Variants in SV2B observed in about 807,000 individuals in gnomAD.
SV2B encodes the protein solute carrier family 22 member B2.
A neutral mutation model predicts 73.9 loss-of-function variants in SV2B; 41 were observed. That is an observed-to-expected ratio of 0.56 (90% confidence interval 0.43 to 0.72). The LOEUF (loss-of-function observed/expected upper bound fraction) is 0.72, where lower values mean the gene tolerates loss of function less well. Among genes scored for constraint, SV2B ranks in the 30% least tolerant of loss-of-function variants. The probability of loss-of-function intolerance (pLI) is 0.00; values close to 1 mark genes in which losing one functional copy is unlikely to be tolerated. For missense variants in SV2B, 764 were observed against 857.8 expected, an observed-to-expected ratio of 0.89 and a Z score of 1.37; for synonymous variants, 314 against 314.2, an observed-to-expected ratio of 1.00 and a Z score of 0.01.
At chr15:91,233,795 C>G (rs144104785) in intron 2 of SV2B, among the ~76,000 whole-genome samples, 1 of 152,144 alleles carries the variant, frequency 6.6e-6, no homozygotes, top group South Asian at 2.1e-4. Flanking sequence ...CAGGACCCAA[C>G]CCCTCCACCC....
chr15:91,111,044 C>T (rs1240278352), intron 1 of SV2B, among the ~76,000 whole-genome samples: 1 of 151,738 alleles, frequency 6.6e-6, no homozygotes, highest in South Asian at 2.1e-4. Flanking sequence ...TGGATAAGGT[C>T]TTTTTTTTGG....
chr15:91,180,204 G>A (rs1486783472), intron 1 of SV2B, among the ~76,000 whole-genome samples: 1 of 152,196 alleles, frequency 6.6e-6, no homozygotes, highest in African/African-American at 2.4e-5. Context: ...TTTTCTTTAA[G>A]AATGTTGAAT....
Position 91,136,667 on chromosome 15 carries a change from C to T in SV2B, c.-392+36304C>T, listed in dbSNP as rs531408263. Among the ~76,000 whole-genome samples the T allele has an allele frequency of 1.9e-3, 282 of 152,306 alleles. 1 individual carries two copies. Among genetic ancestry groups the T allele is most frequent in the African/African-American group, 6.3e-3 (262 of 41,566 alleles). On this transcript the variant is annotated intron_variant, in intron 1 of 12. Coordinates refer to ENST00000394232, the MANE Select transcript of SV2B (RefSeq NM_001323032.3). This position sits in a 1 kb window ranked among gnomAD's most constrained non-coding sequence, Gnocchi z 5.6. ...AAGCTCTAGGTTCCCGTAAGGCAGA[C>T]TGCCTTTTTAGTTGTCAGCAGATCT...
rs980937822 is a variant in SV2B at position 91,281,021 on chromosome 15, T to C, written c.1374-707T>C. On this transcript the variant is annotated intron_variant, in intron 9 of 12. Transcript: ENST00000394232. The surrounding 1 kb of genome is among the most constrained non-coding windows in gnomAD (Gnocchi z 4.7). ...TATAGATCTACCTCATTTACTACGATGGCTACATGGTATTCCATTATATGG... is the reference window on the plus strand; with the variant it reads ...TATAGATCTACCTCATTTACTACGACGGCTACATGGTATTCCATTATATGG... 6.6e-6 allele frequency among the ~76,000 whole-genome samples: 1 copy of C among 152,254 alleles called. No homozygotes were observed. The highest frequency in any genetic ancestry group is 2.4e-5 in the African/African-American group (1 of 41,472).
chr15:91,231,722 C>T lies in SV2B; in HGVS notation c.451+5008C>T, dbSNP rs2046582233. Among the ~76,000 whole-genome samples, 1 of 152,178 alleles carries T rather than the reference C, an allele frequency of 6.6e-6. No individual in the cohort carries two copies. Among genetic ancestry groups the T allele is most frequent in the Non-Finnish European group, 1.5e-5 (1 of 68,038 alleles). On this transcript the variant is annotated intron_variant, in intron 2 of 12. Transcript: ENST00000394232. This position sits in a 1 kb window ranked among gnomAD's most constrained non-coding sequence, Gnocchi z 4.5. ...TGAGCTTCACTTTCAGGCAAGAGTT[C>T]CGTGTTTTGCCTGCAGAGTTTTCAT...
chr15:91,186,555 G>T (rs2044777634), intron 1 of SV2B, among the ~76,000 whole-genome samples: 2 of 152,184 alleles, frequency 1.3e-5, no homozygotes. Context: ...TCAACAAGTT[G>T]TAGGGTTACA....
chr15:91,138,059 G>C (rs975063221), intron 1 of SV2B, among the ~76,000 whole-genome samples: 12 of 152,144 alleles, frequency 7.9e-5, no homozygotes, highest in African/African-American at 2.9e-4. Context: ...ATCACATGAA[G>C]AAAGACAAGA....
At chr15:91,193,836 A>C (rs937598040) in intron 1 of SV2B, among the ~76,000 whole-genome samples, 2 of 152,188 alleles carry the variant, frequency 1.3e-5, no homozygotes, top group Non-Finnish European at 2.9e-5. Flanking sequence ...CAGTCCAGAA[A>C]AAGTTTATAT....
intron 1 of SV2B, among the ~76,000 whole-genome samples, chr15:91,213,069 C>T (rs2045920133): frequency 6.6e-6 from 1 of 151,912 alleles, no homozygotes; most frequent in African/African-American, 2.4e-5. Context: ...AAGAGAATCA[C>T]TTGAACCTGG....
chr15:91,185,014 T>C (rs2044717666), intron 1 of SV2B, among the ~76,000 whole-genome samples: 1 of 152,278 alleles, frequency 6.6e-6, no homozygotes, highest in Admixed American at 6.5e-5. Context: ...TACTCCATTC[T>C]GTCACCGGAA....
chr15:91,257,189 G>T (rs1003317872), intron 4 of SV2B, among the ~76,000 whole-genome samples: 1 of 152,142 alleles, frequency 6.6e-6, no homozygotes, highest in African/African-American at 2.4e-5. Context: ...GGCACTAAAT[G>T]TCATGGAGCT....
chr15:91,165,318 C>T (rs1157499474), intron 1 of SV2B, among the ~76,000 whole-genome samples: 10 of 151,984 alleles, frequency 6.6e-5, no homozygotes, highest in African/African-American at 1.2e-4. Flanking sequence ...GCGACAAGAG[C>T]GAGACTCTGT....
rs73520053 is a variant in SV2B at position 91,268,234 on chromosome 15, C to A, written c.1209-207C>A. On this transcript the variant is annotated intron_variant, in intron 8 of 12. Transcript: ENST00000394232. This position sits in a 1 kb window ranked among gnomAD's most constrained non-coding sequence, Gnocchi z 4.4. ...TATCAGGAAAACATTTCTTTTAAATCAAATGCCTTTTCAGCATTTATGGAG... is the reference window on the plus strand; with the variant it reads ...TATCAGGAAAACATTTCTTTTAAATAAAATGCCTTTTCAGCATTTATGGAG... 0.034 allele frequency among the ~76,000 whole-genome samples: 5,204 copies of A among 152,310 alleles called. 200 individuals carry two copies. Among genetic ancestry groups the A allele is most frequent in the East Asian group, 0.095 (493 of 5,186 alleles).
chr15:91,250,491 A>G (rs2047440521), intron 2 of SV2B, among the ~76,000 whole-genome samples: 1 of 152,218 alleles, frequency 6.6e-6, no homozygotes, highest in Admixed American at 6.5e-5. Flanking sequence ...AGGCAAGAAA[A>G]AGAAATAAAA....
intron 2 of SV2B, among the ~76,000 whole-genome samples, chr15:91,228,293 T>C (rs1300863449): frequency 1.3e-5 from 2 of 152,148 alleles, no homozygotes; most frequent in African/African-American, 2.4e-5. Flanking sequence ...CTGGAGTTTT[T>C]AAACACCAAC....
chr15:91,169,608 T>A (rs1287673618), intron 1 of SV2B, among the ~76,000 whole-genome samples: 4 of 152,132 alleles, frequency 2.6e-5, no homozygotes, highest in African/African-American at 9.7e-5. Context: ...AGGGATGCTG[T>A]GGGGAAAAGC....
chr15:91,286,326 C>A (rs371780475), intron 11 of SV2B, among the ~76,000 whole-genome samples: 1 of 152,204 alleles, frequency 6.6e-6, no homozygotes, highest in African/African-American at 2.4e-5. Context: ...AATCTGCAAG[C>A]ACATTTTTGT....
intron 1 of SV2B, among the ~76,000 whole-genome samples, chr15:91,221,381 C>A (rs541706245): frequency 1.3e-5 from 2 of 152,272 alleles, no homozygotes; most frequent in Non-Finnish European, 2.9e-5. Context: ...GGATTGGAAC[C>A]TGGACCCTCT....
chr15:91,180,540 T>C (rs192581038), intron 1 of SV2B, among the ~76,000 whole-genome samples: 383 of 152,346 alleles, frequency 2.5e-3, no homozygotes, highest in Non-Finnish European at 4.1e-3. Flanking sequence ...CAATCAGATG[T>C]AGATTTGGTC....
Sources: allele counts gnomAD v4.1 joint callset (sites outside exome capture counted in the v4.1 genomes callset), GRCh38; gene constraint gnomAD v4.1.1; non-coding constraint Gnocchi (gnomAD v3.1); transcripts MANE v1.5; gene names NCBI Gene and HGNC (gene_info 2026-07-23, HGNC 2026-07-21).